ZFR2: variants seen among roughly 807,000 people sequenced by gnomAD.
ZFR2 encodes zinc finger RNA binding protein 2, also known as zinc finger RNA-binding protein 2.
Under a neutral mutation model 105.7 loss-of-function variants are expected in ZFR2, and 104 were observed. The ratio of observed to expected loss-of-function variants is 0.98; its 90% CI spans 0.84 to 1.16. ZFR2 has a LOEUF of 1.16. Among genes scored for constraint, ZFR2 ranks in the 50% most tolerant of loss-of-function variants. The probability of loss-of-function intolerance (pLI) is 0.00; values close to 1 mark genes in which losing one functional copy is unlikely to be tolerated. For missense variants in ZFR2, 1,425 were observed against 1,355.5 expected (o/e 1.05, Z -0.80); for synonymous variants, 634 against 597.7 (o/e 1.06, Z -0.89).
In ZFR2 at chr19:3,813,236, G is replaced by A. The variant is rs746006279; in HGVS notation, c.2242+584C>T. On this transcript the variant is annotated intron_variant, in intron 14 of 18. Transcript: ENST00000262961. The surrounding 1 kb of genome is among the most constrained non-coding windows in gnomAD (Gnocchi z 4.4). ...ACTGTTCTGGAAGATTCCACAGCTG[G>A]CTGAGACTTCGGGAGCACAGACGTG... Among the ~76,000 whole-genome samples, 5 of 152,250 alleles carry A rather than the reference G, an allele frequency of 3.3e-5. No individual in the cohort carries two copies. Among genetic ancestry groups the A allele is most frequent in the Non-Finnish European group, 7.3e-5 (5 of 68,052 alleles).
chr19:3,806,654 C>T, intron 18 of ZFR2, among the ~76,000 whole-genome samples: 1 of 147,408 alleles, frequency 6.8e-6, no homozygotes, highest in East Asian at 1.9e-4. Context: ...TCCCAGGAGG[C>T]CCCCCCGCTC....
intron 3 of ZFR2, among the ~76,000 whole-genome samples, chr19:3,833,248 C>CAAAA (rs1206859994): frequency 1.3e-5 from 1 of 75,262 alleles, no homozygotes; most frequent in African/African-American, 4.9e-5. Context: ...GACTCCGTCT[C>CAAAA]AAAAAAAAAA....
In ZFR2 at chr19:3,823,117, C is replaced by G; in HGVS notation, c.1371+129G>C. 1 of 1,350,466 alleles carries G rather than the reference C, an allele frequency of 7.4e-7. No individual in the cohort carries two copies. The highest frequency in any genetic ancestry group is 1.0e-6 in the Non-Finnish European group (1 of 968,346). The allele number at this position is 1,350,466 out of a possible 1,614,324, so 83.7% of individuals were successfully genotyped here. On this transcript the variant is annotated intron_variant, in intron 8 of 18. Transcript: ENST00000262961. The surrounding 1 kb of genome is among the most constrained non-coding windows in gnomAD (Gnocchi z 5.4). ...GGGGTTTTGGTCCATGGAGGTCTGG[C>G]CTGTGCAGCTCAGGAACGGGGATGG...
chr19:3,820,377 C>T (rs1599227333), intron 10 of ZFR2, 87 bp from the exon 11 acceptor site: 18 of 1,292,476 alleles, frequency 1.4e-5, no homozygotes, highest in Non-Finnish European at 1.9e-5. Flanking sequence ...GCCTTATGCT[C>T]CCAGCAAGGA....
intron 1 of ZFR2, among the ~76,000 whole-genome samples, chr19:3,837,388 T>A (rs994136574): frequency 6.8e-6 from 1 of 147,424 alleles, no homozygotes; most frequent in Non-Finnish European, 1.5e-5. Flanking sequence ...ACACCATGAC[T>A]GTGACACTCG....
chr19:3,813,756 G>T lies in ZFR2; in HGVS notation c.2242+64C>A. 3.8e-6 allele frequency: 6 copies of T among 1,595,448 alleles called. No homozygotes were observed. Among genetic ancestry groups the T allele is most frequent in the Non-Finnish European group, 5.1e-6 (6 of 1,169,390 alleles). On this transcript the variant is annotated intron_variant, in intron 14 of 18. Transcript: ENST00000262961. The surrounding 1 kb of genome is among the most constrained non-coding windows in gnomAD (Gnocchi z 4.4). ...GAGGCGGACGCTGCCCCAGGCCTGG[G>T]TGTGGGGAGCGCCCTGGGGAAGCGT...
At chr19:3,859,545 G>A (rs1182010635) in intron 1 of ZFR2, among the ~76,000 whole-genome samples, 2 of 152,326 alleles carry the variant, frequency 1.3e-5, no homozygotes, top group Non-Finnish European at 2.9e-5. Context: ...CCCGGGAACC[G>A]CTGGAGAACA....
chr19:3,818,058 G>A (rs186968610), intron 12 of ZFR2, among the ~76,000 whole-genome samples: 1 of 152,404 alleles, frequency 6.6e-6, no homozygotes, highest in African/African-American at 2.4e-5. Flanking sequence ...GGGAAGATGA[G>A]ACAGCTGTGG....
Position 3,820,268 on chromosome 19 carries a change from G to A in ZFR2, c.1654C>T (p.Gln552Ter), listed in dbSNP as rs1288393522. 4.5e-6 allele frequency: 7 copies of A among 1,546,558 alleles called. No homozygotes were observed. In the Admixed American group the frequency reaches 6.0e-5, roughly 13 times the overall value. The change falls in exon 11 of 19, where the codon CAG becomes TAG. Residue 552 changes from glutamine to a stop codon, truncating the protein, a stop_gained. Coordinates refer to ENST00000262961, the MANE Select transcript of ZFR2 (RefSeq NM_015174.2). LOFTEE classifies it high-confidence loss of function. ...ERRRLEEEPPQDVPPHAPPDW... is the reference protein window; with the variant it reads ...ERRRLEEEPP ...GGCGGCGCGTGGGGCGGCACGTCCT[G>A]GGGTGGCTCCTCCTCCAGCCGCCTG... is the stretch of plus-strand genomic sequence containing the variant.
chr19:3,840,622 C>T (rs2145170803), intron 1 of ZFR2, among the ~76,000 whole-genome samples: 1 of 152,212 alleles, frequency 6.6e-6, no homozygotes, highest in South Asian at 2.1e-4. Flanking sequence ...CTCGAAACTC[C>T]CAGGCTCAAG....
At chr19:3,811,437 G>A in intron 14 of ZFR2, 71 bp from the exon 15 acceptor site, 1 of 1,441,494 alleles carries the variant, frequency 6.9e-7, no homozygotes, top group Non-Finnish European at 9.4e-7. Flanking sequence ...CGGGGTGAGG[G>A]GCTCAGTTTG....
At chr19:3,854,599 G>A (rs1210620385) in intron 1 of ZFR2, among the ~76,000 whole-genome samples, 1 of 152,156 alleles carries the variant, frequency 6.6e-6, no homozygotes, top group African/African-American at 2.4e-5. Context: ...AAACCACTCA[G>A]AGGCTGACAT....
intron 17 of ZFR2, 38 bp downstream of exon 17, chr19:3,808,834 G>A: frequency 1.3e-6 from 2 of 1,494,696 alleles, no homozygotes; most frequent in Non-Finnish European, 1.8e-6. Flanking sequence ...TCTGCGATTT[G>A]CCGCCCACCT....
In ZFR2 at chr19:3,831,466, G is replaced by A. The variant is rs750314960; in HGVS notation, c.689C>T (p.Pro230Leu). 40 of 1,549,518 alleles carry A rather than the reference G, an allele frequency of 2.6e-5. No individual in the cohort carries two copies. The highest frequency in any genetic ancestry group is 9.8e-5 in the Admixed American group (5 of 50,948). Residue 230 changes from proline (P) to leucine (L), a missense_variant, in exon 5 of 19, where the codon CCG (proline) becomes CTG (leucine). Transcript: ENST00000262961. The stretch of plus-strand genomic sequence containing the variant: ...CGCGGGCGGCGGGGGCAGCTGCTGC[G>A]GGGGTCCCGGGGGAGGCGGGGGCTG... The part of the protein sequence containing the change: ...PAQPPPPPGP[P>L]QQLPPPPAPA...
At chr19:3,863,360 AC>A (rs1385268667) in intron 1 of ZFR2, among the ~76,000 whole-genome samples, 1 of 151,990 alleles carries the variant, frequency 6.6e-6, no homozygotes, top group Non-Finnish European at 1.5e-5. Flanking sequence ...GGGTTGGGTC[AC>A]CGTTACTTTC....
intron 1 of ZFR2, among the ~76,000 whole-genome samples, chr19:3,842,565 G>A (rs553968047): frequency 7.9e-5 from 12 of 151,676 alleles, no homozygotes; most frequent in Non-Finnish European, 1.8e-4. Flanking sequence ...GTGGTTTTCA[G>A]TATATTCACA....
chr19:3,825,045 C>A (rs762735502), intron 7 of ZFR2, among the ~76,000 whole-genome samples, 185 bp downstream of exon 7: 3 of 152,108 alleles, frequency 2.0e-5, no homozygotes, highest in African/African-American at 7.2e-5. Flanking sequence ...AGGTTCAGGG[C>A]GGTGTGGGCC....
chr19:3,840,687 C>G (rs943392353), intron 1 of ZFR2, among the ~76,000 whole-genome samples: 1 of 152,070 alleles, frequency 6.6e-6, no homozygotes, highest in Non-Finnish European at 1.5e-5. Context: ...TGCACCATCA[C>G]ACAAGGCTAA....
intron 9 of ZFR2, 142 bp from the exon 10 acceptor site, chr19:3,821,621 TTTTTTTTTC>T: frequency 2.4e-6 from 2 of 843,394 alleles, no homozygotes; most frequent in African/African-American, 1.8e-5. Context: ...TTTTTTTTTT[TTTTTTTTTC>T]GAGACAGAGT....
Sources: gnomAD v4.1 joint callset for allele counts (sites outside exome capture counted in the v4.1 genomes callset) on GRCh38, gnomAD v4.1.1 for gene constraint, Gnocchi (gnomAD v3.1) non-coding constraint, MANE v1.5 for transcripts, NCBI Gene and HGNC (gene_info 2026-07-23, HGNC 2026-07-21) for gene names.